Variants in PAQR3 observed in about 807,000 individuals in gnomAD.
The protein encoded by PAQR3 is progestin and adipoQ receptor family member 3, also known as Raf kinase trapping to Golgi.
A neutral mutation model predicts 41.7 loss-of-function variants in PAQR3; 39 were observed. The ratio of observed to expected loss-of-function variants is 0.93; its 90% confidence interval spans 0.72 to 1.22. The LOEUF (loss-of-function observed/expected upper bound fraction) is 1.22. PAQR3 is among the 50% of genes most tolerant of loss of function. The pLI, the probability that PAQR3 is intolerant of heterozygous loss-of-function variation, is 0.00. For missense variants in PAQR3, 366 were observed against 385.6 expected (o/e 0.95, Z 0.42); for synonymous variants, 140 against 140.6 (o/e 1.00, Z 0.03).
chr4:78,919,576 T>C lies in PAQR3; in HGVS notation c.*963A>G. On this transcript the variant is annotated 3_prime_UTR_variant, in exon 6 of 6. Transcript: ENST00000512733. ...CAAATGGGGCATCTGCATGACTTTGTTCTAAGGCTTAAGGTTCATTTCAGG... is the reference window on the plus strand; with the variant it reads ...CAAATGGGGCATCTGCATGACTTTGCTCTAAGGCTTAAGGTTCATTTCAGG... The C allele has an allele frequency of 1.0e-6, 1 of 985,104 alleles. No homozygotes were observed. Among genetic ancestry groups the C allele is most frequent in the Non-Finnish European group, 1.2e-6 (1 of 829,782 alleles). 61.0% of individuals were successfully genotyped at this position (985,104 alleles called of 1,614,324 possible).
rs10612313 is a variant in PAQR3 at position 78,918,230 on chromosome 4, ATATTT to A, written c.*2304_*2308del. On this transcript the variant is annotated 3_prime_UTR_variant, in exon 6 of 6. Coordinates refer to ENST00000512733, the MANE Select transcript of PAQR3 (RefSeq NM_001040202.2). Reference sequence around the variant, plus strand: ...TTTTTTAGTAATAAAACTGGATAGTATATTTTAATCTTACTTTAATCTATAAAAAC... The same window carrying A: ...TTTTTTAGTAATAAAACTGGATAGTATAATCTTACTTTAATCTATAAAAAC... 730,727 of 922,270 alleles carry A rather than the reference ATATTT, an allele frequency of 0.79. 290,364 individuals are homozygous for A. Among genetic ancestry groups the A allele is most frequent in the Non-Finnish European group, 0.8 (621,415 of 772,736 alleles). The allele number at this position is 922,270 out of a possible 1,614,324, so 57.1% of individuals were successfully genotyped here.
chr4:78,930,358 C>T (rs1042009335), intron 2 of PAQR3, 33 bp from the exon 3 acceptor site: 4 of 1,571,606 alleles, frequency 2.5e-6, no homozygotes, highest in Middle Eastern at 1.7e-4. Context: ...AACAAAGTGA[C>T]TAAAGAAACT....
intron 5 of PAQR3, chr4:78,923,030 A>T: frequency 2.2e-6 from 1 of 454,960 alleles, no homozygotes; most frequent in Middle Eastern, 3.3e-4. Context: ...GTATCTTGGA[A>T]ACACAAAGAC....
intron 2 of PAQR3, 152 bp from the exon 3 acceptor site, chr4:78,930,477 GC>G: frequency 1.4e-5 from 10 of 696,162 alleles, no homozygotes; most frequent in South Asian, 2.4e-5. Context: ...CTACTGTAGA[GC>G]TCACTCTACA....
In PAQR3 at chr4:78,914,352, T is replaced by C. The variant is rs1237005278; in HGVS notation, c.*6187A>G. 1 of 152,076 alleles carries C rather than the reference T, an allele frequency of 6.6e-6. No individual in the cohort carries two copies. Among genetic ancestry groups the C allele is most frequent in the Admixed American group, 6.6e-5 (1 of 15,254 alleles). 9.4% of individuals were successfully genotyped at this position (152,076 alleles called of 1,614,324 possible). On this transcript the variant is annotated 3_prime_UTR_variant, in exon 6 of 6. Transcript: ENST00000512733. ...TTTACATTCTTATAACACAGCACAG[T>C]GACTTTCTTCTTTCAAGATTGTAGC...
At chr4:78,896,906 T>C (rs762441563) in intron 11 of PAQR3, among the ~76,000 whole-genome samples, 11 of 152,306 alleles carry the variant, frequency 7.2e-5, no homozygotes, top group South Asian at 2.1e-4. Flanking sequence ...ATGGATTTAT[T>C]GCTAGATGGG....
intron 11 of PAQR3, among the ~76,000 whole-genome samples, chr4:78,891,388 G>C (rs1733428633): frequency 6.6e-6 from 1 of 151,956 alleles, no homozygotes; most frequent in African/African-American, 2.4e-5. Context: ...CATTGTGCTG[G>C]GGACCTAGTG....
chr4:78,897,196 A>AT (rs139821509), intron 11 of PAQR3, among the ~76,000 whole-genome samples: 26,170 of 151,776 alleles, frequency 0.17, 4,615 homozygotes, highest in African/African-American at 0.45. Flanking sequence ...TGTTTTTTTG[A>AT]TTTTTTTAAG....
In PAQR3 at chr4:78,919,179, T is replaced by C. The variant is rs1044564817; in HGVS notation, c.*1360A>G. The C allele has an allele frequency of 2.6e-5, 26 of 985,046 alleles. No individual in the cohort carries two copies. Among genetic ancestry groups the C allele is most frequent in the Non-Finnish European group, 3.0e-5 (25 of 829,776 alleles). 61.0% of individuals were successfully genotyped at this position (985,046 alleles called of 1,614,324 possible). ...ATATGCACAAAAGGCATTTTGGGAA[T>C]AAGCTTCATCATCAATTAACATTTT... On this transcript the variant is annotated 3_prime_UTR_variant, in exon 6 of 6. Transcript: ENST00000512733.
At chr4:78,924,967 C>T (rs1322462749) in intron 4 of PAQR3, among the ~76,000 whole-genome samples, 1 of 152,106 alleles carries the variant, frequency 6.6e-6, no homozygotes, top group East Asian at 1.9e-4. Flanking sequence ...TAGAACACAA[C>T]TTGATCTTGC....
Position 78,912,194 on chromosome 4 carries a change from C to T in PAQR3, c.*8345G>A, listed in dbSNP as rs1186210532. The T allele has an allele frequency of 1.5e-6, 1 of 672,682 alleles. No individual in the cohort carries two copies. The highest frequency in any genetic ancestry group is 1.8e-5 in the African/African-American group (1 of 55,266). 41.7% of individuals were successfully genotyped at this position (672,682 alleles called of 1,614,324 possible). A position where few individuals can be genotyped will look rare whatever the true frequency, so the allele number is the denominator to read the frequency against. On this transcript the variant is annotated 3_prime_UTR_variant, in exon 6 of 6. Transcript: ENST00000512733. Reference sequence around the variant, plus strand: ...AACCAAATAGAAGAATGAAGTATCTCTACAGGGTAGTAACTTGATTCCTCT... The same window carrying T: ...AACCAAATAGAAGAATGAAGTATCTTTACAGGGTAGTAACTTGATTCCTCT...
At chr4:78,904,635 A>G (rs1734197701) in intron 11 of PAQR3, among the ~76,000 whole-genome samples, 1 of 151,966 alleles carries the variant, frequency 6.6e-6, no homozygotes, top group South Asian at 2.1e-4. Context: ...ATCAGACTCA[A>G]CCTCAAAAGA....
chr4:78,922,771 A>G, intron 5 of PAQR3: 1 of 379,020 alleles, frequency 2.6e-6, no homozygotes, highest in South Asian at 2.0e-5. Context: ...GGGGGAAAAA[A>G]AAGTATTTCC....
chr4:78,903,885 T>C (rs1408435572), intron 11 of PAQR3, among the ~76,000 whole-genome samples: 1 of 151,970 alleles, frequency 6.6e-6, no homozygotes, highest in South Asian at 2.1e-4. Context: ...AATATTCTAC[T>C]GGTAGTTTAA....
In PAQR3 at chr4:78,936,032, G is replaced by C. The variant is rs13117357; in HGVS notation, c.186-749C>G. Among the ~76,000 whole-genome samples the C allele has an allele frequency of 6.5e-3, 988 of 152,292 alleles. 7 individuals are homozygous for C. Among genetic ancestry groups the C allele is most frequent in the Non-Finnish European group, 0.01 (691 of 68,016 alleles). The stretch of plus-strand genomic sequence containing the variant: ...CTGGACTTGGCAGCACAGGTTGCTA[G>C]AGCGTGTACCACCCTGAGTCAAGAG... On this transcript the variant is annotated intron_variant, in intron 1 of 5. Coordinates refer to ENST00000512733, the MANE Select transcript of PAQR3 (RefSeq NM_001040202.2).
intron 1 of PAQR3, among the ~76,000 whole-genome samples, chr4:78,937,640 T>C (rs912300095): frequency 6.6e-6 from 1 of 152,242 alleles, no homozygotes; most frequent in Non-Finnish European, 1.5e-5. Context: ...TGGAAGCAGA[T>C]ACTGTGATTA....
intron 4 of PAQR3, among the ~76,000 whole-genome samples, chr4:78,924,824 G>T (rs1398770010): frequency 6.6e-6 from 1 of 151,308 alleles, no homozygotes; most frequent in Admixed American, 6.6e-5. Context: ...GAAGGCAATA[G>T]AGAGAGACTC....
At chr4:78,903,575 G>C (rs1734128606) in intron 11 of PAQR3, among the ~76,000 whole-genome samples, 1 of 151,854 alleles carries the variant, frequency 6.6e-6, no homozygotes, top group Admixed American at 6.6e-5. Context: ...CTATTTTCTA[G>C]ATGAGAAAAC....
intron 11 of PAQR3, among the ~76,000 whole-genome samples, chr4:78,892,887 G>A (rs1733516364): frequency 6.6e-6 from 1 of 152,142 alleles, no homozygotes; most frequent in Non-Finnish European, 1.5e-5. Flanking sequence ...CTTTTTGCTG[G>A]TGGCAGGTCT....
Sources: allele counts gnomAD v4.1 joint callset (sites outside exome capture counted in the v4.1 genomes callset), GRCh38; gene constraint gnomAD v4.1.1; transcripts MANE v1.5; gene names NCBI Gene and HGNC (gene_info 2026-07-23, HGNC 2026-07-21).